Variants in BANK1 observed in about 807,000 individuals in gnomAD.
The protein encoded by BANK1 is B-cell scaffold protein with ankyrin repeats.
A neutral mutation model predicts 94.5 loss-of-function variants in BANK1; 95 were observed. The observed-to-expected ratio is 1.00, with a 90% CI of 0.85 to 1.19. BANK1 has a LOEUF of 1.19. Among genes scored for constraint, BANK1 ranks in the 50% most tolerant of loss-of-function variants. The pLI is 0.00. For missense variants in BANK1, 987 were observed against 932.2 expected (o/e 1.06, Z -0.77); for synonymous variants, 334 against 308.4 (o/e 1.08, Z -0.87).
chr4:102,013,016 A>G (rs1726562759), intron 7 of BANK1, among the ~76,000 whole-genome samples: 1 of 152,118 alleles, frequency 6.6e-6, no homozygotes, highest in Admixed American at 6.6e-5. Context: ...GATGATTTGT[A>G]CTGTGGACAT....
At chr4:101,913,515 C>T (rs147186013) in intron 6 of BANK1, among the ~76,000 whole-genome samples, 111 of 152,332 alleles carry the variant, frequency 7.3e-4, no homozygotes, top group African/African-American at 2.6e-3. Flanking sequence ...AGCTCCCAGG[C>T]TGTTTGTCTG....
chr4:102,035,336 T>G (rs111311137), intron 10 of BANK1, among the ~76,000 whole-genome samples: 10,223 of 152,136 alleles, frequency 0.067, 500 homozygotes, highest in African/African-American at 0.14. Flanking sequence ...CCCAGAGACA[T>G]AACTTATTAA....
chr4:101,944,035 T>TGA (rs1288104097), intron 7 of BANK1, among the ~76,000 whole-genome samples: 3 of 149,470 alleles, frequency 2.0e-5, no homozygotes, highest in Admixed American at 2.0e-4. Flanking sequence ...TGTGTGTGTG[T>TGA]GTGTGAGAGA....
chr4:101,796,640 C>T (rs34261083), intron 1 of BANK1, among the ~76,000 whole-genome samples: 39,514 of 151,738 alleles, frequency 0.26, 5,474 homozygotes, highest in Non-Finnish European at 0.31. Context: ...AATAATTCAC[C>T]CAAAGGTTAG....
chr4:102,053,226 TC>T (rs1340097490), intron 11 of BANK1, among the ~76,000 whole-genome samples: 1 of 152,166 alleles, frequency 6.6e-6, no homozygotes, highest in Non-Finnish European at 1.5e-5. Flanking sequence ...ATTAAGCTAA[TC>T]TTTGGAGAAG....
intron 10 of BANK1, among the ~76,000 whole-genome samples, chr4:102,033,520 T>C (rs912402987): frequency 6.6e-6 from 1 of 152,250 alleles, no homozygotes; most frequent in South Asian, 2.1e-4. Flanking sequence ...GTGTCCTAAG[T>C]ATGTAAATTT....
intron 4 of BANK1, among the ~76,000 whole-genome samples, chr4:101,869,721 A>G (rs948475940): frequency 1.3e-5 from 2 of 151,954 alleles, no homozygotes; most frequent in African/African-American, 4.8e-5. Flanking sequence ...AAATATCTCA[A>G]TGACAGATTA....
intron 2 of BANK1, among the ~76,000 whole-genome samples, chr4:101,848,736 T>G (rs1008945492): frequency 2.0e-5 from 3 of 152,246 alleles, no homozygotes; most frequent in African/African-American, 7.2e-5. Context: ...AACAAAACAA[T>G]TCTATTGTTA....
At chr4:101,819,574 A>G (rs1197215509) in intron 1 of BANK1, among the ~76,000 whole-genome samples, 4 of 152,168 alleles carry the variant, frequency 2.6e-5, no homozygotes, top group Non-Finnish European at 5.9e-5. Flanking sequence ...CCTCAGATCA[A>G]TTAGATACCA....
intron 2 of BANK1, among the ~76,000 whole-genome samples, chr4:101,854,262 G>A (rs941014804): frequency 2.6e-5 from 4 of 151,930 alleles, no homozygotes; most frequent in African/African-American, 9.7e-5. Flanking sequence ...AACATTTTGG[G>A]CTTTGAGACA....
chr4:101,948,973 G>A (rs970652293), intron 7 of BANK1, among the ~76,000 whole-genome samples: 1 of 151,920 alleles, frequency 6.6e-6, no homozygotes, highest in Non-Finnish European at 1.5e-5. Context: ...TTAAAATATT[G>A]TTTATTCTTA....
At chr4:101,927,192 G>A (rs532425955) in intron 7 of BANK1, among the ~76,000 whole-genome samples, 30 of 151,782 alleles carry the variant, frequency 2.0e-4, no homozygotes, top group Admixed American at 3.9e-4. Context: ...GGAAGCAGTC[G>A]CGTCTTATAT....
Position 101,969,430 on chromosome 4 carries a change from G to A in BANK1, c.1206+51241G>A, listed in dbSNP as rs566711626. Among the ~76,000 whole-genome samples, 5 of 152,190 alleles carry A rather than the reference G, an allele frequency of 3.3e-5. No homozygotes were observed. In the South Asian group the frequency reaches 1.0e-3, roughly 32 times the overall value. ...AACACTTGATAAAAGTGAAGTTTCA[G>A]ATATTATTTGATTAATGTGCATAGC... On this transcript the variant is annotated intron_variant, in intron 7 of 16. Coordinates refer to ENST00000322953, the MANE Select transcript of BANK1 (RefSeq NM_017935.5).
At chr4:102,021,823 C>CAG (rs947496940) in intron 8 of BANK1, among the ~76,000 whole-genome samples, 1 of 151,970 alleles carries the variant, frequency 6.6e-6, no homozygotes, top group Non-Finnish European at 1.5e-5. Flanking sequence ...TTTTCCTACC[C>CAG]AGAGGGAATA....
chr4:101,894,806 G>C (rs1722006334), intron 5 of BANK1, among the ~76,000 whole-genome samples: 1 of 151,678 alleles, frequency 6.6e-6, no homozygotes, highest in Non-Finnish European at 1.5e-5. Flanking sequence ...TATCTGCAGG[G>C]GTAAAGAAAG....
intron 1 of BANK1, among the ~76,000 whole-genome samples, chr4:101,799,499 A>G (rs1261037203): frequency 3.9e-5 from 6 of 152,226 alleles, no homozygotes; most frequent in African/African-American, 1.2e-4. Flanking sequence ...AGACACATGC[A>G]CACGTATGTT....
chr4:101,818,933 A>G (rs1358372975), intron 1 of BANK1, among the ~76,000 whole-genome samples: 1 of 144,914 alleles, frequency 6.9e-6, no homozygotes, highest in Non-Finnish European at 1.5e-5. Flanking sequence ...AGATACATAT[A>G]TTTTGCCTTT....
chr4:101,967,643 G>C (rs989133385), intron 7 of BANK1, among the ~76,000 whole-genome samples: 14 of 151,896 alleles, frequency 9.2e-5, no homozygotes, highest in African/African-American at 3.4e-4. Flanking sequence ...AGGATTTAAG[G>C]TCACACAGCT....
At chr4:101,889,130 G>A (rs1721748243) in intron 5 of BANK1, among the ~76,000 whole-genome samples, 1 of 152,112 alleles carries the variant, frequency 6.6e-6, no homozygotes, top group Non-Finnish European at 1.5e-5. Flanking sequence ...AAGGGACTGT[G>A]TATTATGGTA....
Sources: gnomAD v4.1 joint callset for allele counts (sites outside exome capture counted in the v4.1 genomes callset) on GRCh38, gnomAD v4.1.1 for gene constraint, MANE v1.5 for transcripts, NCBI Gene and HGNC (gene_info 2026-07-23, HGNC 2026-07-21) for gene names.